Variants in INO80 observed in about 807,000 individuals in gnomAD.
INO80 encodes chromatin-remodeling ATPase INO80.
In INO80, 20 loss-of-function variants were observed where a neutral mutation model predicts 203.4. That is an observed-to-expected ratio of 0.10 (90% CI 0.07 to 0.14). INO80 has a LOEUF of 0.14. INO80 is among the 10% of genes least tolerant of loss of function. The pLI is 1.00. For missense variants in INO80, 1,419 were observed against 1,914.4 expected, an observed-to-expected ratio of 0.74 and a Z score of 4.83; for synonymous variants, 726 against 685.2, an observed-to-expected ratio of 1.06 and a Z score of -0.93.
chr15:41,039,222 C>T (rs1341390055), intron 24 of INO80, among the ~76,000 whole-genome samples: 1 of 152,188 alleles, frequency 6.6e-6, no homozygotes, highest in Non-Finnish European at 1.5e-5. Context: ...AGCAATCCTC[C>T]CACCTCAGCC....
chr15:40,988,097 T>G lies in INO80; in HGVS notation c.3571-123A>C, dbSNP rs1037983134. ...TAGGGTCTGATTCGTTTCTATGATATTGAGCTAAGTAAGATACATCTTAGA... is the reference window on the plus strand; with the variant it reads ...TAGGGTCTGATTCGTTTCTATGATAGTGAGCTAAGTAAGATACATCTTAGA... On this transcript the variant is annotated intron_variant, in intron 29 of 35. Transcript: ENST00000648947. The G allele has an allele frequency of 1.4e-5, 10 of 716,870 alleles. No homozygotes were observed. In the African/African-American group the frequency reaches 1.8e-4, roughly 13 times the overall value. 44.4% of individuals were successfully genotyped at this position (716,870 alleles called of 1,614,324 possible).
At chr15:41,002,250 T>C (rs540098474) in intron 28 of INO80, among the ~76,000 whole-genome samples, 34 of 152,318 alleles carry the variant, frequency 2.2e-4, no homozygotes, top group Middle Eastern at 3.4e-3. Flanking sequence ...GATTTCCTAA[T>C]AAAATCTGTG....
intron 29 of INO80, among the ~76,000 whole-genome samples, chr15:40,990,021 C>T (rs997690112): frequency 6.6e-6 from 1 of 152,098 alleles, no homozygotes; most frequent in Non-Finnish European, 1.5e-5. Context: ...ATCCCTATTC[C>T]CCCTGGATTC....
intron 24 of INO80, among the ~76,000 whole-genome samples, chr15:41,035,444 T>C (rs548313588): frequency 9.2e-5 from 14 of 151,682 alleles, no homozygotes; most frequent in African/African-American, 2.9e-4. Flanking sequence ...GAGGACTGCT[T>C]GAGCCCCAAA....
chr15:41,045,723 C>A (rs1168351781), intron 23 of INO80, among the ~76,000 whole-genome samples: 4 of 150,920 alleles, frequency 2.7e-5, no homozygotes, highest in Admixed American at 2.6e-4. Context: ...TGAAACCTCA[C>A]CTCTACAAAA....
chr15:41,020,136 G>C (rs1041079335), intron 26 of INO80, among the ~76,000 whole-genome samples: 3 of 152,050 alleles, frequency 2.0e-5, no homozygotes, highest in African/African-American at 7.2e-5. Context: ...CAGGAGAATG[G>C]CTTGAACCCA....
chr15:41,089,714 G>A (rs1427185745), intron 5 of INO80, among the ~76,000 whole-genome samples: 1 of 151,172 alleles, frequency 6.6e-6, no homozygotes, highest in Non-Finnish European at 1.5e-5. Flanking sequence ...TTGCACTCGA[G>A]CCTGGGCAAC....
chr15:41,049,656 C>T (rs2044831195), intron 20 of INO80, among the ~76,000 whole-genome samples: 1 of 152,172 alleles, frequency 6.6e-6, no homozygotes, highest in South Asian at 2.1e-4. Flanking sequence ...GAGGCCGAGG[C>T]GGGTGGATCC....
At chr15:41,080,028 TC>T in intron 8 of INO80, 124 bp from the exon 9 acceptor site, 1 of 771,998 alleles carries the variant, frequency 1.3e-6, no homozygotes, top group East Asian at 2.6e-5. Flanking sequence ...CACATCTTTC[TC>T]CTGCAACTTG....
At chr15:41,100,436 A>G (rs1010118266) in intron 1 of INO80, among the ~76,000 whole-genome samples, 13 of 152,188 alleles carry the variant, frequency 8.5e-5, no homozygotes, top group African/African-American at 3.1e-4. Context: ...ATCAAAAACA[A>G]TTTGTTGAAG....
rs542614556 is a variant in INO80, at chr15:40,985,800, C to T, written c.3833-374G>A. ...GGTACGCGCCTGGGTCCCAGCTACC[C>T]CAGAGGCTGAGTCAGGAGGACTGCC... On this transcript the variant is annotated intron_variant, in intron 31 of 35. Transcript: ENST00000648947. Among the ~76,000 whole-genome samples, 6 of 152,122 alleles carry T rather than the reference C, an allele frequency of 3.9e-5. No individual in the cohort carries two copies. In the East Asian group the frequency reaches 1.2e-3, roughly 29 times the overall value.
chr15:40,994,938 C>T (rs1459662008), intron 29 of INO80, among the ~76,000 whole-genome samples: 1 of 152,066 alleles, frequency 6.6e-6, no homozygotes, highest in Non-Finnish European at 1.5e-5. Flanking sequence ...TCACTGCAAC[C>T]TCCGCCTCCT....
intron 24 of INO80, among the ~76,000 whole-genome samples, chr15:41,041,985 C>T (rs558659097): frequency 6.6e-6 from 1 of 151,058 alleles, no homozygotes; most frequent in South Asian, 2.1e-4. Context: ...CAGGCACCCA[C>T]CACCATGCTT....
At chr15:41,026,754 C>T (rs747763524) in intron 25 of INO80, among the ~76,000 whole-genome samples, 7 of 152,172 alleles carry the variant, frequency 4.6e-5, no homozygotes, top group Non-Finnish European at 8.8e-5. Context: ...TTGGCTCTAA[C>T]CACAGAACCT....
At chr15:41,003,990 G>A (rs1331190365) in intron 28 of INO80, among the ~76,000 whole-genome samples, 1 of 152,164 alleles carries the variant, frequency 6.6e-6, no homozygotes, top group Non-Finnish European at 1.5e-5. Flanking sequence ...GACATGACAT[G>A]ATAAAATATG....
At chr15:41,054,699 T>C (rs887410339) in intron 18 of INO80, among the ~76,000 whole-genome samples, 6 of 152,138 alleles carry the variant, frequency 3.9e-5, no homozygotes, top group African/African-American at 1.2e-4. Context: ...AGTGCAATGA[T>C]GCAATCTCGG....
intron 17 of INO80, 80 bp from the exon 18 acceptor site, chr15:41,055,444 G>A (rs2044965253): frequency 5.7e-6 from 5 of 874,744 alleles, no homozygotes; most frequent in Non-Finnish European, 8.8e-6. Context: ...AGAGAAAATT[G>A]CAGGTGTATT....
chr15:40,982,958 T>C lies in INO80; in HGVS notation c.4357A>G (p.Thr1453Ala). 1.9e-6 allele frequency: 3 copies of C among 1,614,192 alleles called. No homozygotes were observed. Among genetic ancestry groups the C allele is most frequent in the Non-Finnish European group, 8.5e-7 (1 of 1,180,034 alleles). The part of the protein sequence containing the change: ...GAGKGRSRKS[T>A]AGSAAAMAGA... ...GCCATTGCAGCAGCACTGCCTGCCG[T>C]GGACTTTCGGCTCCGGCCCTTCCCT... Residue 1453 changes from threonine to alanine, a missense_variant, in exon 35 of 36, where the codon ACG becomes GCG. By Grantham distance (58) the Thr-to-Ala change is moderately conservative. Around this residue, in one of 9 missense-constraint regions of INO80, gnomAD observed 214 missense variants for 248.9 expected, o/e 0.86. Transcript: ENST00000648947.
Position 41,052,674 on chromosome 15 carries a change from C to CA in INO80, c.2274+1254dup, listed in dbSNP as rs60685375. Among the ~76,000 whole-genome samples the CA allele has an allele frequency of 5.5e-3, 586 of 107,156 alleles. 3 individuals carry two copies. Among genetic ancestry groups the CA allele is most frequent in the East Asian group, 0.011 (31 of 2,892 alleles). The allele number at this position is 107,156 out of a possible 152,430, so 70.3% of individuals were successfully genotyped here. ...GGTGACAGAGCGAGCCCTTGTCTTA[C>CA]AAAAAAAAAAAAAAAAAAAAAAAAA... On this transcript the variant is annotated intron_variant, in intron 19 of 35. Coordinates refer to ENST00000648947, the MANE Select transcript of INO80 (RefSeq NM_017553.3).
Sources: allele counts gnomAD v4.1 joint callset (sites outside exome capture counted in the v4.1 genomes callset), GRCh38; gene constraint gnomAD v4.1.1; regional missense constraint gnomAD v4.1.1; transcripts MANE v1.5; gene names NCBI Gene and HGNC (gene_info 2026-07-23, HGNC 2026-07-21).